Variants in CIDEC observed in about 807,000 individuals in gnomAD.
The protein encoded by CIDEC is lipid transferase CIDEC.
Under a neutral mutation model 21.9 loss-of-function variants are expected in CIDEC, and 11 were observed. The ratio of observed to expected loss-of-function variants is 0.50; its 90% CI spans 0.32 to 0.83. The LOEUF (loss-of-function observed/expected upper bound fraction) is 0.83. Among genes scored for constraint, CIDEC ranks in the 40% least tolerant of loss-of-function variants. CIDEC has a pLI of 0.04. For missense variants in CIDEC, 302 were observed against 302.3 expected, an observed-to-expected ratio of 1.00 and a Z score of 0.01; for synonymous variants, 127 against 124.9, an observed-to-expected ratio of 1.02 and a Z score of -0.11.
intron 3 of CIDEC, chr3:9,878,197 C>A (rs2082453738): frequency 3.7e-6 from 2 of 536,046 alleles, no homozygotes; most frequent in East Asian, 6.4e-5. Context: ...GTAAAAGCAC[C>A]AAGCATAGTG....
intron 4 of CIDEC, among the ~76,000 whole-genome samples, chr3:9,876,481 G>C (rs991227168): frequency 6.6e-6 from 1 of 151,942 alleles, no homozygotes; most frequent in East Asian, 1.9e-4. Context: ...CTTGGGCTGG[G>C]TGTGGTAGCT....
At chr3:9,867,320 A>C in intron 6 of CIDEC, 24 bp from the exon 7 acceptor site, 3 of 1,613,560 alleles carry the variant, frequency 1.9e-6, no homozygotes, top group Non-Finnish European at 8.5e-7. Context: ...GAGGGCACGC[A>C]AGTCAAAACC....
Position 9,867,211 on chromosome 3 carries a change from C to G in CIDEC, c.640G>C (p.Asp214His), listed in dbSNP as rs774200069. 6.2e-7 allele frequency: 1 copy of G among 1,614,076 alleles called. No homozygotes were observed. Among genetic ancestry groups the G allele is most frequent in the Admixed American group, 1.7e-5 (1 of 60,026 alleles). The change falls in exon 7 of 7, where the codon GAT becomes CAT. Residue 214 changes from aspartate (D) to histidine (H), a missense_variant. Physicochemically the swap from Asp to His is moderately conservative, Grantham distance 81. Coordinates refer to ENST00000336832, the MANE Select transcript of CIDEC (RefSeq NM_001321142.2). ...GTSCYLQQLL[D>H]ATEEGQPPKG... ...GGGGGCTGCCCTTCCTCCGTAGCAT[C>G]GAGGAGCTGCTGCAGGTAACAGGAG...
intron 3 of CIDEC, 145 bp from the exon 4 acceptor site, chr3:9,877,364 CAGAAG>C: frequency 1.2e-6 from 1 of 832,674 alleles, no homozygotes; most frequent in Non-Finnish European, 2.0e-6. Flanking sequence ...TAGTCTTACT[CAGAAG>C]CCTGCTAGAA....
rs748111584 is a variant in CIDEC at position 9,867,100 on chromosome 3, C to T, written c.*34G>A. ...TTAAGCGTGAGGCCCCCAGTCAGTCCTTCACTGGGGAAAGCTTCCAAGGAC... is the reference window on the plus strand; with the variant it reads ...TTAAGCGTGAGGCCCCCAGTCAGTCTTTCACTGGGGAAAGCTTCCAAGGAC... On this transcript the variant is annotated 3_prime_UTR_variant, in exon 7 of 7. Transcript: ENST00000336832. 1.9e-6 allele frequency: 3 copies of T among 1,608,150 alleles called. No homozygotes were observed. Among genetic ancestry groups the T allele is most frequent in the Non-Finnish European group, 2.6e-6 (3 of 1,176,244 alleles).
intron 4 of CIDEC, among the ~76,000 whole-genome samples, chr3:9,874,732 C>G (rs115119467): frequency 0.013 from 1,947 of 152,064 alleles, 42 homozygotes; most frequent in African/African-American, 0.044. Context: ...CAGTGACAAT[C>G]TTTTTAAAAT....
intron 4 of CIDEC, among the ~76,000 whole-genome samples, chr3:9,874,139 T>C (rs1335257152): frequency 2.6e-5 from 4 of 152,196 alleles, no homozygotes. Flanking sequence ...CTGGGACAAC[T>C]TGAGCATCAA....
In CIDEC at chr3:9,878,388, A is replaced by G. The variant is rs758898250; in HGVS notation, c.53+46T>C. The G allele has an allele frequency of 5.7e-6, 8 of 1,408,786 alleles. No individual in the cohort carries two copies. In the South Asian group the frequency reaches 9.2e-5, roughly 16 times the overall value. The allele number at this position is 1,408,786 out of a possible 1,614,324, so 87.3% of individuals were successfully genotyped here. ...TAAAGTTTGAGAAGTTCTGGCTTAC[A>G]GCTCATAGGTGGCTCTCTTTCCATT... is the stretch of plus-strand genomic sequence containing the variant. On this transcript the variant is annotated intron_variant, in intron 3 of 6. Transcript: ENST00000336832.
intron 6 of CIDEC, among the ~76,000 whole-genome samples, chr3:9,868,411 C>A (rs1158568623): frequency 6.6e-6 from 1 of 152,182 alleles, no homozygotes; most frequent in Non-Finnish European, 1.5e-5. Context: ...GAGAACAGAA[C>A]CTGAATCAGG....
intron 4 of CIDEC, among the ~76,000 whole-genome samples, chr3:9,872,033 A>C (rs893094375): frequency 6.6e-6 from 1 of 151,168 alleles, no homozygotes; most frequent in African/African-American, 2.4e-5. Flanking sequence ...CTGTTCTCGA[A>C]CTCCTGGATG....
At chr3:9,876,330 T>G (rs1351185793) in intron 4 of CIDEC, among the ~76,000 whole-genome samples, 2 of 151,846 alleles carry the variant, frequency 1.3e-5, no homozygotes, top group Non-Finnish European at 2.9e-5. Flanking sequence ...AAAAATTAAC[T>G]GGGCGTGGTG....
intron 4 of CIDEC, 183 bp from the exon 5 acceptor site, chr3:9,870,505 G>GT (rs765472089): frequency 1.3e-6 from 2 of 1,496,828 alleles, no homozygotes; most frequent in Non-Finnish European, 1.8e-6. Context: ...AAAATATAAT[G>GT]TAAGTCACAT....
chr3:9,873,413 C>T (rs1235659971), intron 4 of CIDEC, among the ~76,000 whole-genome samples: 4 of 152,176 alleles, frequency 2.6e-5, no homozygotes, highest in East Asian at 3.9e-4. Flanking sequence ...GTCAGGAGAT[C>T]GAGACCATCC....
chr3:9,874,707 T>C (rs2082396220), intron 4 of CIDEC, among the ~76,000 whole-genome samples: 1 of 152,066 alleles, frequency 6.6e-6, no homozygotes, highest in Non-Finnish European at 1.5e-5. Flanking sequence ...GTGACAAAAA[T>C]TGCATATAAT....
At chr3:9,867,872 G>A (rs1443731937) in intron 6 of CIDEC, among the ~76,000 whole-genome samples, 1 of 152,056 alleles carries the variant, frequency 6.6e-6, no homozygotes, top group East Asian at 1.9e-4. Flanking sequence ...AGAGGTTGTA[G>A]TGAGCTGAGA....
chr3:9,877,334 A>C, intron 3 of CIDEC, 115 bp from the exon 4 acceptor site: 25 of 974,484 alleles, frequency 2.6e-5, no homozygotes, highest in Non-Finnish European at 3.5e-5. Context: ...TCAACCCCCC[A>C]TCACCTGCTA....
At position 9,867,116 on chromosome 3, in the gene CIDEC, T is replaced by G; in HGVS notation, c.*18A>C. 6.2e-7 allele frequency: 1 copy of G among 1,612,498 alleles called. No individual in the cohort carries two copies. The highest frequency in any genetic ancestry group is 2.2e-5 in the East Asian group (1 of 44,882). ...CAGTCAGTCCTTCACTGGGGAAAGCTTCCAAGGACTTGGGCTTTCACTGCA... is the reference window on the plus strand; with the variant it reads ...CAGTCAGTCCTTCACTGGGGAAAGCGTCCAAGGACTTGGGCTTTCACTGCA... On this transcript the variant is annotated 3_prime_UTR_variant, in exon 7 of 7. Transcript: ENST00000336832.
rs1356542551 is a variant in CIDEC at position 9,877,126 on chromosome 3, C to T, written c.147G>A (p.Thr49=). The T allele has an allele frequency of 2.7e-5, 42 of 1,552,514 alleles. No individual in the cohort carries two copies. Among genetic ancestry groups the T allele is most frequent in the African/African-American group, 6.8e-5 (5 of 73,152 alleles). ...APRARPCRVS[T]ADRSVRKGIM... ...TGCCCTTCCTCACGCTTCGATCCGC[C>T]GTGCTTACGCGGCAGGGCCGGGCCC... The change falls in exon 4 of 7, where the codon ACG becomes ACA. Residue 49 remains threonine (T), a synonymous_variant. Transcript: ENST00000336832.
chr3:9,877,170 G>A lies in CIDEC; in HGVS notation c.103C>T (p.Pro35Ser), dbSNP rs1324389637. ...SVVTQQLLSE[P>S]SPKAPRARPC... ...CGGGCCCTGGGGGCCTTGGGGCTGG[G>A]CTCCGACAGCAGCTGCTGGGTCACC... The change falls in exon 4 of 7, where the codon CCC becomes TCC. Residue 35 changes from proline to serine, a missense_variant. By Grantham distance (74) the Pro-to-Ser change is moderately conservative. Coordinates refer to ENST00000336832, the MANE Select transcript of CIDEC (RefSeq NM_001321142.2). 3 of 1,551,280 alleles carry A rather than the reference G, an allele frequency of 1.9e-6. No homozygotes were observed. The highest frequency in any genetic ancestry group is 2.6e-6 in the Non-Finnish European group (3 of 1,147,146).
Sources: allele counts gnomAD v4.1 joint callset (sites outside exome capture counted in the v4.1 genomes callset), GRCh38; gene constraint gnomAD v4.1.1; transcripts MANE v1.5; gene names NCBI Gene and HGNC (gene_info 2026-07-23, HGNC 2026-07-21).